The following HSPG2 variants were observed in gnomAD, a reference collection of about 807,000 sequenced individuals.
HSPG2 encodes the protein heparan sulfate proteoglycan 2.
Under a neutral mutation model 526.6 loss-of-function variants are expected in HSPG2, and 278 were observed. The ratio of observed to expected loss-of-function variants is 0.53; its 90% CI spans 0.48 to 0.58. HSPG2 has a LOEUF of 0.58. Among genes scored for constraint, HSPG2 ranks in the 20% least tolerant of loss-of-function variants. The probability of loss-of-function intolerance (pLI) is 0.00; values close to 1 mark genes in which losing one functional copy is unlikely to be tolerated. For missense variants in HSPG2, 5,354 were observed against 6,099.5 expected, an observed-to-expected ratio of 0.88 and a Z score of 4.07; for synonymous variants, 2,465 against 2,555.4, an observed-to-expected ratio of 0.96 and a Z score of 1.07.
Position 21,858,199 on chromosome 1 carries a change from G to A in HSPG2, c.5294-814C>T, listed in dbSNP as rs1639495811. 6.6e-6 allele frequency among the ~76,000 whole-genome samples: 1 copy of A among 152,032 alleles called. No homozygotes were observed. Among genetic ancestry groups the A allele is most frequent in the African/African-American group, 2.4e-5 (1 of 41,372 alleles). On this transcript the variant is annotated intron_variant, in intron 42 of 96. Coordinates refer to ENST00000374695, the MANE Select transcript of HSPG2 (RefSeq NM_005529.7). This position sits in a 1 kb window ranked among gnomAD's most constrained non-coding sequence, Gnocchi z 4.2. ...CTATCCCTTCTCTCCACTGAAAACC[G>A]CTCTTGTCAAAGCATGACCTCCAAG... is the stretch of plus-strand genomic sequence containing the variant.
At chr1:21,873,761 T>C (rs1345862233) in intron 29 of HSPG2, among the ~76,000 whole-genome samples, 164 bp downstream of exon 29, 1 of 151,934 alleles carries the variant, frequency 6.6e-6, no homozygotes, top group Non-Finnish European at 1.5e-5. Flanking sequence ...GGGCTAGAGG[T>C]TGAGTCTCCC....
At chr1:21,896,052 T>C in intron 2 of HSPG2, 86 bp from the exon 3 acceptor site, 1 of 1,588,780 alleles carries the variant, frequency 6.3e-7, no homozygotes. Flanking sequence ...GGGCACCTAG[T>C]ATACAGTGGG....
At chr1:21,882,641 C>T (rs1641602496) in intron 13 of HSPG2, among the ~76,000 whole-genome samples, 1 of 152,146 alleles carries the variant, frequency 6.6e-6, no homozygotes, top group Non-Finnish European at 1.5e-5. Context: ...GGCCACTGAG[C>T]ACTGGAGACA....
chr1:21,840,892 A>G (rs2098045778), intron 71 of HSPG2, among the ~76,000 whole-genome samples: 1 of 150,024 alleles, frequency 6.7e-6, no homozygotes, highest in Non-Finnish European at 1.5e-5. Flanking sequence ...CCACCCTCCC[A>G]CTCATTCTTT....
intron 68 of HSPG2, 38 bp from the exon 69 acceptor site, chr1:21,842,180 G>C (rs913686687): frequency 7.4e-6 from 12 of 1,613,108 alleles, no homozygotes; most frequent in Non-Finnish European, 1.0e-5. Flanking sequence ...CTCAGCAGGG[G>C]TGGGCTTAGC....
Position 21,860,180 on chromosome 1 carries a change from C to T in HSPG2, c.5011G>A (p.Glu1671Lys). 1.9e-6 allele frequency: 3 copies of T among 1,613,850 alleles called. No individual in the cohort carries two copies. Among genetic ancestry groups the T allele is most frequent in the Non-Finnish European group, 2.5e-6 (3 of 1,179,928 alleles). ...CCTGGGCCATGGTCCCACTTACTCT[C>T]TGGCAGGCACTGGCCCCCTTGCACA... ...PSVQGGQCLPETNQAPLVVEV... is the reference protein window; with the variant it reads ...PSVQGGQCLPKTNQAPLVVEV... Residue 1671 changes from glutamate (E) to lysine (K), a missense_variant, in exon 40 of 97, where the codon GAG becomes AAG. Glu to Lys is a moderately conservative substitution (Grantham distance 56, BLOSUM62 1). Transcript: ENST00000374695.
intron 49 of HSPG2, 42 bp from the exon 50 acceptor site, chr1:21,854,385 G>A (rs372613566): frequency 2.6e-6 from 4 of 1,552,082 alleles, no homozygotes; most frequent in Non-Finnish European, 3.5e-6. Context: ...ACAGGGACGG[G>A]GGCTATTGTC....
intron 86 of HSPG2, 116 bp from the exon 87 acceptor site, chr1:21,829,720 C>T: frequency 1.1e-6 from 1 of 941,164 alleles, no homozygotes; most frequent in Non-Finnish European, 1.6e-6. Flanking sequence ...CCCAGAGGCT[C>T]AGGACCAGTT....
In HSPG2 at chr1:21,859,756, C is replaced by A; in HGVS notation, c.5182+79G>T. On this transcript the variant is annotated intron_variant, in intron 41 of 96. Transcript: ENST00000374695. This position sits in a 1 kb window ranked among gnomAD's most constrained non-coding sequence, Gnocchi z 5.3. Reference sequence around the variant, plus strand: ...AGCCCCATGCACAAGGACAGCATCCCACTAGGGCAGGGACAGGCCCCTGCC... The same window carrying A: ...AGCCCCATGCACAAGGACAGCATCCAACTAGGGCAGGGACAGGCCCCTGCC... 6.3e-7 allele frequency: 1 copy of A among 1,590,350 alleles called. No homozygotes were observed. Among genetic ancestry groups the A allele is most frequent in the South Asian group, 1.1e-5 (1 of 87,964 alleles).
In HSPG2 at chr1:21,854,740, G is replaced by C. The variant is rs1265351036; in HGVS notation, c.6159C>G (p.Val2053=). Residue 2053 remains valine, a synonymous_variant, in exon 49 of 97, where the codon GTC becomes GTG. Coordinates refer to ENST00000374695, the MANE Select transcript of HSPG2 (RefSeq NM_005529.7). The part of the protein sequence containing the change: ...LSASDASPPP[V]KIESSSPSVT... ...CAGAAGGCGATGAGGACTCAATCTTGACCGGCGGTGGGCTGGCATCTGAGG... is the reference window on the plus strand; with the variant it reads ...CAGAAGGCGATGAGGACTCAATCTTCACCGGCGGTGGGCTGGCATCTGAGG... 6 of 1,613,644 alleles carry C rather than the reference G, an allele frequency of 3.7e-6. No individual in the cohort carries two copies. In the Admixed American group the frequency reaches 5.0e-5, roughly 13 times the overall value.
At chr1:21,881,881 TGCA>T (rs1309760498) in intron 13 of HSPG2, among the ~76,000 whole-genome samples, 1 of 136,438 alleles carries the variant, frequency 7.3e-6, no homozygotes, top group East Asian at 2.1e-4. Flanking sequence ...AGGCGGAGGC[TGCA>T]GCGAGCTGAG....
rs960502995 is a variant in HSPG2 at position 21,859,657 on chromosome 1, G to A, written c.5202C>T (p.Pro1734=). 5.6e-6 allele frequency: 9 copies of A among 1,608,588 alleles called. No homozygotes were observed. The Admixed American group carries it at 1.0e-4, about 18-fold the overall frequency. The change falls in exon 42 of 97, where the codon CCC becomes CCT. Residue 1734 remains proline (P), a synonymous_variant. Transcript: ENST00000374695. The surrounding 1 kb of genome is among the most constrained non-coding windows in gnomAD (Gnocchi z 5.3). Reference sequence around the variant, plus strand: ...CCCCAGCATCCGAGGGCTGGACGCTGGGGAAGTGGAGCTCGGAGCCTGGTG... The same window carrying A: ...CCCCAGCATCCGAGGGCTGGACGCTAGGGAAGTGGAGCTCGGAGCCTGGTG... ...QRHQGSELHF[P]SVQPSDAGVY... is the part of the protein sequence containing the mutation.
intron 71 of HSPG2, 39 bp from the exon 72 acceptor site, chr1:21,840,056 G>C (rs916603914): frequency 1.9e-6 from 3 of 1,579,366 alleles, no homozygotes; most frequent in Non-Finnish European, 2.6e-6. Flanking sequence ...TGGGGACTCA[G>C]TGGGGACGCT....
At chr1:21,908,813 G>T (rs1273222270) in intron 1 of HSPG2, among the ~76,000 whole-genome samples, 1 of 152,150 alleles carries the variant, frequency 6.6e-6, no homozygotes, top group Non-Finnish European at 1.5e-5. Flanking sequence ...AAAGGAACAG[G>T]GCTAAAGGAG....
At chr1:21,926,797 G>T (rs935146710) in intron 1 of HSPG2, among the ~76,000 whole-genome samples, 7 of 131,878 alleles carry the variant, frequency 5.3e-5, no homozygotes, top group Non-Finnish European at 6.5e-5. Flanking sequence ...AAGAGAGAAA[G>T]AAAATGATAG....
At chr1:21,866,330 G>T (rs149856806) in intron 33 of HSPG2, among the ~76,000 whole-genome samples, 2 of 152,294 alleles carry the variant, frequency 1.3e-5, no homozygotes, top group African/African-American at 4.8e-5. Context: ...CGCACATGCA[G>T]ACCATGTGGT....
chr1:21,887,592 G>A lies in HSPG2; in HGVS notation c.786C>T (p.Ile262=), dbSNP rs549919832. The change falls in exon 8 of 97, where the codon ATC becomes ATT. Residue 262 remains isoleucine (I), a synonymous_variant. Transcript: ENST00000374695. This position sits in a 1 kb window ranked among gnomAD's most constrained non-coding sequence, Gnocchi z 5.0. The part of the protein sequence containing the change: ...TSLPPRPETT[I]MRQPPVTHAP... ...CGTGGGTGACTGGTGGCTGTCGCAT[G>A]ATGGTTGTCTCTGGCCGGGGCGGTA... 6.2e-7 allele frequency: 1 copy of A among 1,614,122 alleles called. No individual in the cohort carries two copies. Among genetic ancestry groups the A allele is most frequent in the Admixed American group, 1.7e-5 (1 of 60,028 alleles).
At chr1:21,873,547 C>T (rs967848965) in intron 29 of HSPG2, 123 bp from the exon 30 acceptor site, 41 of 1,009,318 alleles carry the variant, frequency 4.1e-5, no homozygotes, top group Admixed American at 1.8e-4. Flanking sequence ...GAGCCTGACT[C>T]GCCCATGTTA....
intron 45 of HSPG2, 35 bp from the exon 46 acceptor site, chr1:21,855,710 C>T (rs1232136190): frequency 1.9e-6 from 3 of 1,592,800 alleles, no homozygotes; most frequent in Non-Finnish European, 2.6e-6. Context: ...ACCCACCAAG[C>T]CTGCTCAGAG....
Sources: allele counts gnomAD v4.1 joint callset (sites outside exome capture counted in the v4.1 genomes callset), GRCh38; gene constraint gnomAD v4.1.1; non-coding constraint Gnocchi (gnomAD v3.1); transcripts MANE v1.5; gene names NCBI Gene and HGNC (gene_info 2026-07-23, HGNC 2026-07-21).